RBFOX1: variants seen among roughly 807,000 people sequenced by gnomAD.
RBFOX1 encodes the protein RNA binding fox-1 homolog 1.
Under a neutral mutation model 57.7 loss-of-function variants are expected in RBFOX1, and 8 were observed. The observed-to-expected ratio is 0.14, with a 90% CI of 0.08 to 0.25. The LOEUF (loss-of-function observed/expected upper bound fraction) is 0.25. Among genes scored for constraint, RBFOX1 ranks in the 10% least tolerant of loss-of-function variants. The probability of loss-of-function intolerance (pLI) is 1.00; values close to 1 mark genes in which losing one functional copy is unlikely to be tolerated. For missense variants in RBFOX1, 611 were observed against 548.5 expected (o/e 1.11, Z -1.14); for synonymous variants, 326 against 222.4 (o/e 1.47, Z -4.15).
At chr16:5,809,996 T>TA (rs1389812285) in intron 3 of RBFOX1, among the ~76,000 whole-genome samples, 1 of 151,986 alleles carries the variant, frequency 6.6e-6, no homozygotes, top group African/African-American at 2.4e-5. Flanking sequence ...TATGCAGCCA[T>TA]AAAAAAGGAT....
rs1445422013 is a variant in RBFOX1, at chr16:6,935,074, G to T, written c.-15-116983G>T. Among the ~76,000 whole-genome samples, 3 of 151,920 alleles carry T rather than the reference G, an allele frequency of 2.0e-5. No individual in the cohort carries two copies. The East Asian group carries it at 5.8e-4, about 29-fold the overall frequency. On this transcript the variant is annotated intron_variant, in intron 3 of 15. Transcript: ENST00000550418. The stretch of plus-strand genomic sequence containing the variant: ...CCACTGCACTCCAGCCTGCGTGACA[G>T]TGAGACCCCCATCTCGGAAAAAAAA...
intron 1 of RBFOX1, among the ~76,000 whole-genome samples, chr16:5,358,844 GT>G (rs2065464212): frequency 6.6e-6 from 1 of 151,970 alleles, no homozygotes. Flanking sequence ...AAGAAAAAAA[GT>G]GCAATTCAGT....
At chr16:6,756,559 C>A (rs560551761) in intron 3 of RBFOX1, among the ~76,000 whole-genome samples, 1 of 152,118 alleles carries the variant, frequency 6.6e-6, no homozygotes, top group South Asian at 2.1e-4. Flanking sequence ...TATTTGCAAG[C>A]TATTCAGTCA....
rs552243750 is a variant in RBFOX1 at position 5,632,160 on chromosome 16, A to G, written c.318+33199A>G. Among the ~76,000 whole-genome samples the G allele has an allele frequency of 3.9e-5, 6 of 152,342 alleles. No homozygotes were observed. In the South Asian group the frequency reaches 1.2e-3, roughly 32 times the overall value. ...ACAGGATGCAGGTAAGCTACTTCAT[A>G]TGGTACCTATCACATGTATGCATTC... On this transcript the variant is annotated intron_variant, in intron 3 of 19. Coordinates refer to the RBFOX1 transcript ENST00000641259.
intron 1 of RBFOX1, among the ~76,000 whole-genome samples, chr16:6,044,235 T>G (rs1162539590): frequency 6.6e-6 from 1 of 152,208 alleles, no homozygotes; most frequent in Non-Finnish European, 1.5e-5. Context: ...ACTTAACCCC[T>G]TGCCAGAGAT....
At chr16:5,880,446 G>C (rs1163281515) in intron 4 of RBFOX1, among the ~76,000 whole-genome samples, 1 of 152,172 alleles carries the variant, frequency 6.6e-6, no homozygotes, top group Non-Finnish European at 1.5e-5. Flanking sequence ...TGATGTCCAA[G>C]TTTGTGCAGA....
In RBFOX1 at chr16:5,274,132, A is replaced by G. The variant is rs150745202; in HGVS notation, c.219+34027A>G. Among the ~76,000 whole-genome samples, 326 of 152,338 alleles carry G rather than the reference A, an allele frequency of 2.1e-3. 2 individuals are homozygous for G. The highest frequency in any genetic ancestry group is 0.02 in the East Asian group (102 of 5,184). ...CTGGATGCAGACAGAAGCTCCATAT[A>G]GACATATCCATCGCTGCATCTCTCA... On this transcript the variant is annotated intron_variant, in intron 1 of 2. Transcript: ENST00000585867.
At chr16:7,560,533 A>C (rs940649231) in intron 5 of RBFOX1, among the ~76,000 whole-genome samples, 1 of 33,690 alleles carries the variant, frequency 3.0e-5, no homozygotes, top group Admixed American at 3.8e-4. Flanking sequence ...GTAGAGTATC[A>C]AAAAAAAAAA....
chr16:6,113,386 T>C (rs1195983692), intron 1 of RBFOX1, among the ~76,000 whole-genome samples: 6 of 152,180 alleles, frequency 3.9e-5, no homozygotes, highest in African/African-American at 1.4e-4. Context: ...CTGATGTGTT[T>C]TTTAATACTA....
chr16:6,957,668 C>G (rs1173226182), intron 3 of RBFOX1, among the ~76,000 whole-genome samples: 2 of 152,098 alleles, frequency 1.3e-5, no homozygotes, highest in Non-Finnish European at 2.9e-5. Flanking sequence ...CATCTTGTGA[C>G]TTAGAATGCC....
chr16:5,916,968 C>T lies in RBFOX1; in HGVS notation c.351+49633C>T, dbSNP rs146231359. ...GTGGGTGTCTCCCCTGCCTTTGATG[C>T]GGGTGTTATGACCTGCATCCCATGT... On this transcript the variant is annotated intron_variant, in intron 4 of 19. Coordinates refer to the RBFOX1 transcript ENST00000641259. Among the ~76,000 whole-genome samples the T allele has an allele frequency of 1.1e-4, 16 of 152,226 alleles. No homozygotes were observed. In the East Asian group the frequency reaches 1.2e-3, roughly 11 times the overall value.
At chr16:5,639,093 T>C (rs1461380665) in intron 3 of RBFOX1, among the ~76,000 whole-genome samples, 2 of 152,254 alleles carry the variant, frequency 1.3e-5, no homozygotes, top group Non-Finnish European at 2.9e-5. Flanking sequence ...TGAGATTTCC[T>C]AGATACCTCT....
intron 1 of RBFOX1, among the ~76,000 whole-genome samples, chr16:6,266,685 G>C (rs533916203): frequency 3.3e-5 from 5 of 151,106 alleles, no homozygotes; most frequent in Admixed American, 6.6e-5. Flanking sequence ...TTGCACTCCA[G>C]CCTGGGTGAC....
At chr16:7,116,943 C>G (rs148639839) in intron 4 of RBFOX1, among the ~76,000 whole-genome samples, 1 of 152,052 alleles carries the variant, frequency 6.6e-6, no homozygotes, top group South Asian at 2.1e-4. Flanking sequence ...GAGGATATAA[C>G]CTTGAGAAGA....
intron 1 of RBFOX1, among the ~76,000 whole-genome samples, chr16:5,299,984 GT>G (rs2063764057): frequency 6.7e-6 from 1 of 149,512 alleles, no homozygotes; most frequent in Admixed American, 6.7e-5. Context: ...TTTCCTGAGG[GT>G]TTTTTATAAA....
intron 4 of RBFOX1, among the ~76,000 whole-genome samples, chr16:7,185,855 G>A (rs1359085551): frequency 6.6e-6 from 1 of 152,100 alleles, no homozygotes; most frequent in Non-Finnish European, 1.5e-5. Flanking sequence ...GGATTCCATG[G>A]CATTTTATCC....
intron 2 of RBFOX1, among the ~76,000 whole-genome samples, chr16:6,571,661 C>G (rs929138703): frequency 6.6e-6 from 1 of 152,104 alleles, no homozygotes; most frequent in Admixed American, 6.5e-5. Flanking sequence ...CTTGAGCCTG[C>G]TGAAGGCATG....
intron 2 of RBFOX1, among the ~76,000 whole-genome samples, chr16:6,321,044 T>C (rs928907603): frequency 1.3e-5 from 2 of 152,200 alleles, no homozygotes; most frequent in African/African-American, 4.8e-5. Flanking sequence ...TCCTCCTACG[T>C]CGGCCTCCCA....
intron 3 of RBFOX1, among the ~76,000 whole-genome samples, chr16:6,836,057 T>G (rs1567479650): frequency 6.6e-6 from 1 of 152,194 alleles, no homozygotes; most frequent in Non-Finnish European, 1.5e-5. Flanking sequence ...TACTGTTCAA[T>G]AGCTAGCTCA....
Sources: gnomAD v4.1 joint callset for allele counts (sites outside exome capture counted in the v4.1 genomes callset) on GRCh38, gnomAD v4.1.1 for gene constraint, MANE v1.5 for transcripts, NCBI Gene and HGNC (gene_info 2026-07-23, HGNC 2026-07-21) for gene names.